IKZF2: variants seen among roughly 807,000 people sequenced by gnomAD.
IKZF2 encodes the protein zinc finger protein Helios.
Under a neutral mutation model 49.2 loss-of-function variants are expected in IKZF2, and 15 were observed. The observed-to-expected ratio is 0.30, with a 90% CI of 0.20 to 0.47. IKZF2 has a LOEUF of 0.47. Ranked by LOEUF, IKZF2 falls within the 20% of genes least tolerant of loss-of-function variation. The probability of loss-of-function intolerance (pLI) is 1.00; values close to 1 mark genes in which losing one functional copy is unlikely to be tolerated. For synonymous variants in IKZF2, 227 were observed against 221.4 expected (o/e 1.03, Z -0.23); for missense variants, 567 against 664.6 (o/e 0.85, Z 1.61).
At position 213,008,011 on chromosome 2, in the gene IKZF2, C is replaced by T. The variant is rs373121702; in HGVS notation, c.930G>A (p.Glu310=). 3.7e-6 allele frequency: 6 copies of T among 1,612,990 alleles called. No individual in the cohort carries two copies. In the African/African-American group the frequency reaches 8.0e-5, roughly 22 times the overall value. Residue 310 remains glutamate, a synonymous_variant, in exon 9 of 9, where the codon GAG becomes GAA. Transcript: ENST00000434687. ...DMNLTYEKEA[E]LMQSHMMDQA... is the part of the protein sequence containing the mutation. Reference sequence around the variant, plus strand: ...GGTCCATCATATGAGACTGCATCAGCTCAGCCTCCTTCTCATATGTTAAGT... The same window carrying T: ...GGTCCATCATATGAGACTGCATCAGTTCAGCCTCCTTCTCATATGTTAAGT...
intron 4 of IKZF2, chr2:213,097,971 G>C (rs1314649991): frequency 9.7e-6 from 3 of 307,862 alleles, no homozygotes; most frequent in East Asian, 8.5e-5. Flanking sequence ...CTATAAATTA[G>C]AGAAAGCTTT....
rs77106703 is a variant in IKZF2 at position 213,013,801 on chromosome 2, T to C, written c.846A>G (p.Gln282=). The C allele has an allele frequency of 2.1e-4, 339 of 1,609,770 alleles. 3 individuals carry two copies. The East Asian group carries it at 4.5e-3, about 22-fold the overall frequency. ...NMGKRKSSTP[Q]KFVGEKLMRF... ...ATTTGTAATGCTTACCCACAAACTT[T>C]TGTGGAGTGGAGCTTTTACGTTTTC... Residue 282 remains glutamine (Q), a synonymous_variant, in exon 8 of 9, where the codon CAA becomes CAG. Coordinates refer to ENST00000434687, the MANE Select transcript of IKZF2 (RefSeq NM_001387220.1).
At chr2:213,074,276 T>C (rs1312611603) in intron 4 of IKZF2, among the ~76,000 whole-genome samples, 1 of 152,178 alleles carries the variant, frequency 6.6e-6, no homozygotes, top group Non-Finnish European at 1.5e-5. Flanking sequence ...GTGAACACTA[T>C]CAAGTGTACA....
At chr2:213,016,642 C>A (rs1051791538) in intron 7 of IKZF2, among the ~76,000 whole-genome samples, 2 of 152,064 alleles carry the variant, frequency 1.3e-5, no homozygotes, top group African/African-American at 2.4e-5. Context: ...GGTAACTTCC[C>A]CTGTTTGAAC....
chr2:213,071,625 T>G (rs1166980783), intron 4 of IKZF2, among the ~76,000 whole-genome samples: 1 of 152,050 alleles, frequency 6.6e-6, no homozygotes, highest in Admixed American at 6.6e-5. Flanking sequence ...ACTACAAGTG[T>G]CTGTCTGTGT....
At chr2:213,094,518 C>T (rs1240716599) in intron 4 of IKZF2, among the ~76,000 whole-genome samples, 2 of 152,008 alleles carry the variant, frequency 1.3e-5, no homozygotes, top group Admixed American at 6.6e-5. Context: ...CTGAGACCCC[C>T]CTAGCCTGGG....
chr2:213,103,283 C>T (rs2059412532), intron 4 of IKZF2, among the ~76,000 whole-genome samples: 1 of 152,094 alleles, frequency 6.6e-6, no homozygotes, highest in Admixed American at 6.6e-5. Context: ...ACACACATAT[C>T]ACAACTAATG....
rs548383560 is a variant in IKZF2, at chr2:213,026,776, T to A, written c.575-4646A>T. On this transcript the variant is annotated intron_variant, in intron 6 of 8. Coordinates refer to ENST00000434687, the MANE Select transcript of IKZF2 (RefSeq NM_001387220.1). ...ATACACTGTTATTTTATAACCTGCT[T>A]ATTTTACTGAACAATATATTTTGAA... Among the ~76,000 whole-genome samples the A allele has an allele frequency of 5.3e-5, 8 of 152,238 alleles. 1 individual carries two copies. The East Asian group carries it at 1.3e-3, about 26-fold the overall frequency.
Position 213,022,089 on chromosome 2 carries a change from T to G in IKZF2, c.616A>C (p.Lys206Gln). 1.9e-6 allele frequency: 3 copies of G among 1,613,622 alleles called. No individual in the cohort carries two copies. The highest frequency in any genetic ancestry group is 2.5e-6 in the Non-Finnish European group (3 of 1,179,742). ...HKCNYCGRSY[K>Q]QRSSLEEHKE... ...TGCTCCTCCAGTGAACTGCGCTGCT[T>G]GTAGCTTCGTCCACAGTAGTTGCAC... is the stretch of plus-strand genomic sequence containing the variant. The change falls in exon 7 of 9, where the codon AAG becomes CAG. Residue 206 changes from lysine to glutamine, a missense_variant. Lys to Gln is a moderately conservative substitution (Grantham distance 53). This residue lies in a region of IKZF2 where 310 missense variants were observed against 326.9 expected (regional missense o/e 0.95). Transcript: ENST00000434687.
chr2:213,133,784 G>T (rs2060559213), intron 4 of IKZF2, among the ~76,000 whole-genome samples: 1 of 151,912 alleles, frequency 6.6e-6, no homozygotes, highest in South Asian at 2.1e-4. Flanking sequence ...AAAAAGAGTA[G>T]ATTACTCTGA....
At chr2:213,020,082 A>G (rs1343496690) in intron 7 of IKZF2, among the ~76,000 whole-genome samples, 1 of 152,174 alleles carries the variant, frequency 6.6e-6, no homozygotes, top group African/African-American at 2.4e-5. Context: ...AACGCCATCA[A>G]ATGTCAGAAC....
chr2:213,125,852 C>T (rs988093028), intron 4 of IKZF2, among the ~76,000 whole-genome samples: 5 of 151,852 alleles, frequency 3.3e-5, no homozygotes, highest in African/African-American at 1.2e-4. Flanking sequence ...AAAATTGAGT[C>T]ATAGGGCAAG....
At chr2:213,015,792 G>A (rs1312096555) in intron 7 of IKZF2, among the ~76,000 whole-genome samples, 1 of 152,000 alleles carries the variant, frequency 6.6e-6, no homozygotes, top group Non-Finnish European at 1.5e-5. Flanking sequence ...AAAAAATGTT[G>A]TTGTAAATTT....
intron 4 of IKZF2, among the ~76,000 whole-genome samples, chr2:213,084,606 G>GA (rs11450425): frequency 0.97 from 144,715 of 149,828 alleles, 69,966 homozygotes; most frequent in East Asian, 1. Flanking sequence ...AAAAGAAATT[G>GA]AAAAAAAAAA....
chr2:213,089,818 G>C (rs1705093158), intron 4 of IKZF2, among the ~76,000 whole-genome samples: 1 of 152,054 alleles, frequency 6.6e-6, no homozygotes, highest in Non-Finnish European at 1.5e-5. Flanking sequence ...GTTCTTCATT[G>C]GACTCCTTGC....
chr2:213,108,587 C>T (rs761466732), intron 4 of IKZF2, among the ~76,000 whole-genome samples: 12 of 152,028 alleles, frequency 7.9e-5, no homozygotes, highest in South Asian at 2.1e-4. Flanking sequence ...AATAGGAAAA[C>T]GGTCCAAGAG....
At chr2:213,046,505 C>T (rs1460695618) in intron 6 of IKZF2, among the ~76,000 whole-genome samples, 1 of 152,136 alleles carries the variant, frequency 6.6e-6, no homozygotes, top group Non-Finnish European at 1.5e-5. Context: ...TTTACAGGTC[C>T]ACTTAAGGGA....
At chr2:213,087,155 T>A (rs915231419) in intron 4 of IKZF2, among the ~76,000 whole-genome samples, 2 of 152,054 alleles carry the variant, frequency 1.3e-5, no homozygotes, top group African/African-American at 4.8e-5. Context: ...GGTCTTGATA[T>A]GCAATGTATA....
At chr2:213,048,660 T>A (rs1700393377) in intron 6 of IKZF2, among the ~76,000 whole-genome samples, 2 of 152,116 alleles carry the variant, frequency 1.3e-5, no homozygotes, top group African/African-American at 4.8e-5. Flanking sequence ...TATTTTGTTT[T>A]CGTGTTTGCA....
Sources: gnomAD v4.1 joint callset for allele counts (sites outside exome capture counted in the v4.1 genomes callset) on GRCh38, gnomAD v4.1.1 for gene constraint, gnomAD v4.1.1 regional missense constraint, MANE v1.5 for transcripts, NCBI Gene and HGNC (gene_info 2026-07-23, HGNC 2026-07-21) for gene names.